ZNF280D: variants seen among roughly 807,000 people sequenced by gnomAD.
ZNF280D encodes suppressor of hairy wing homolog 4.
In ZNF280D, 39 loss-of-function variants were observed where a neutral mutation model predicts 94.7. The observed-to-expected ratio is 0.41, with a 90% CI of 0.32 to 0.54. ZNF280D has a LOEUF of 0.54. Among genes scored for constraint, ZNF280D ranks in the 20% least tolerant of loss-of-function variants. ZNF280D has a pLI of 0.22. For synonymous variants in ZNF280D, 398 were observed against 377.6 expected, an observed-to-expected ratio of 1.05 and a Z score of -0.63; for missense variants, 1,090 against 1,149.3, an observed-to-expected ratio of 0.95 and a Z score of 0.75.
intron 16 of ZNF280D, among the ~76,000 whole-genome samples, chr15:56,663,047 G>T (rs1596395349): frequency 6.6e-6 from 1 of 151,416 alleles, no homozygotes; most frequent in Non-Finnish European, 1.5e-5. Context: ...ACTTTAAGAG[G>T]CTAGAGTAGG....
intron 11 of ZNF280D, among the ~76,000 whole-genome samples, 168 bp from the exon 12 acceptor site, chr15:56,677,842 A>T (rs1193817379): frequency 6.6e-6 from 1 of 152,104 alleles, no homozygotes; most frequent in Non-Finnish European, 1.5e-5. Context: ...ACATTACCTC[A>T]CCTACATTAA....
At chr15:56,672,751 G>A (rs530333266) in intron 13 of ZNF280D, among the ~76,000 whole-genome samples, 36 of 152,072 alleles carry the variant, frequency 2.4e-4, no homozygotes, top group African/African-American at 8.2e-4. Context: ...CACAGTTACT[G>A]GCATACAGCA....
At chr15:56,674,930 G>C (rs1256596961) in intron 13 of ZNF280D, among the ~76,000 whole-genome samples, 1 of 151,966 alleles carries the variant, frequency 6.6e-6, no homozygotes, top group African/African-American at 2.4e-5. Context: ...CAACTATTCT[G>C]ATTGTCTAAT....
At chr15:56,707,336 T>C (rs1171292282) in intron 1 of ZNF280D, 30 bp from the exon 2 acceptor site, 2 of 1,508,542 alleles carry the variant, frequency 1.3e-6, no homozygotes, top group East Asian at 2.6e-5. Flanking sequence ...ACTATTAGGG[T>C]GGACTTCATT....
chr15:56,669,479 G>T (rs1407686776), intron 13 of ZNF280D, among the ~76,000 whole-genome samples: 1 of 151,768 alleles, frequency 6.6e-6, no homozygotes, highest in Non-Finnish European at 1.5e-5. Context: ...ATATTTGAGA[G>T]CTGTATTGTC....
At chr15:56,682,154 C>A in intron 10 of ZNF280D, 100 bp downstream of exon 10, 1 of 828,496 alleles carries the variant, frequency 1.2e-6, no homozygotes, top group South Asian at 1.8e-5. Context: ...GTGTTAAAAT[C>A]ACTTACCTAG....
intron 19 of ZNF280D, among the ~76,000 whole-genome samples, chr15:56,647,595 G>A (rs1191579403): frequency 6.6e-6 from 1 of 152,122 alleles, no homozygotes. Context: ...GCAGTGGTAT[G>A]ATCACGGCTC....
intron 1 of ZNF280D, among the ~76,000 whole-genome samples, chr15:56,721,935 C>T (rs576987309): frequency 6.6e-6 from 1 of 152,306 alleles, no homozygotes; most frequent in East Asian, 1.9e-4. Flanking sequence ...TTTCAACACG[C>T]CTTCCTCACT....
chr15:56,653,006 C>T, intron 19 of ZNF280D: 20 of 936,922 alleles, frequency 2.1e-5, no homozygotes, highest in Non-Finnish European at 2.4e-5. Flanking sequence ...TAAAACCAAG[C>T]TATTAAATTA....
At chr15:56,694,575 A>G (rs1230454238) in intron 6 of ZNF280D, among the ~76,000 whole-genome samples, 1 of 152,162 alleles carries the variant, frequency 6.6e-6, no homozygotes, top group African/African-American at 2.4e-5. Context: ...CTTTTTTCCA[A>G]ATTACCAGCC....
At chr15:56,635,878 T>C (rs766318341) in intron 20 of ZNF280D, 14 of 152,312 alleles carry the variant, frequency 9.2e-5, no homozygotes, top group Admixed American at 9.2e-4. Context: ...AAGCAGTATA[T>C]TAAGAACTTT....
At chr15:56,682,502 A>AC in intron 9 of ZNF280D, 25 bp from the exon 10 acceptor site, 2 of 1,428,300 alleles carry the variant, frequency 1.4e-6, no homozygotes, top group Non-Finnish European at 1.9e-6. Context: ...AAAAAAAAAA[A>AC]AACAAGCCTT....
intron 1 of ZNF280D, among the ~76,000 whole-genome samples, chr15:56,712,771 T>C (rs1379618545): frequency 6.7e-6 from 1 of 149,778 alleles, no homozygotes; most frequent in Non-Finnish European, 1.5e-5. Flanking sequence ...GGTGGAGTCT[T>C]GCTCTGTTGC....
chr15:56,709,651 C>CAT (rs1246199081), intron 1 of ZNF280D, among the ~76,000 whole-genome samples: 2 of 152,120 alleles, frequency 1.3e-5, no homozygotes, highest in Admixed American at 6.5e-5. Context: ...AAATGTGGCA[C>CAT]ATATACACCA....
rs35057161 is a variant in ZNF280D at position 56,659,175 on chromosome 15, TA to T, written c.1995-690del. On this transcript the variant is annotated intron_variant, in intron 16 of 21. Transcript: ENST00000267807. ...GGCTTTCTAGTAGAGTGTTTTTTAT[TA>T]AAAAAAAAAAAAAAAAAAAAAAGGA... 8.9e-3 allele frequency among the ~76,000 whole-genome samples: 829 copies of T among 93,210 alleles called. 8 individuals carry two copies. The highest frequency in any genetic ancestry group is 0.029 in the African/African-American group (702 of 24,244). 61.1% of individuals were successfully genotyped at this position (93,210 alleles called of 152,430 possible).
At chr15:56,697,369 G>A (rs971083311) in intron 6 of ZNF280D, among the ~76,000 whole-genome samples, 9 of 152,080 alleles carry the variant, frequency 5.9e-5, no homozygotes, top group Admixed American at 5.2e-4. Flanking sequence ...ATTTTTAGTA[G>A]AGACAGGGTT....
chr15:56,710,230 C>A (rs1009858357), intron 1 of ZNF280D, among the ~76,000 whole-genome samples: 1 of 152,104 alleles, frequency 6.6e-6, no homozygotes, highest in African/African-American at 2.4e-5. Flanking sequence ...CAGAGTCAAA[C>A]TGTCTCTACT....
intron 20 of ZNF280D, among the ~76,000 whole-genome samples, chr15:56,637,659 A>T (rs7177003): frequency 6.6e-6 from 1 of 152,164 alleles, no homozygotes; most frequent in Non-Finnish European, 1.5e-5. Context: ...TGACATATGG[A>T]CACCTGGAGA....
chr15:56,710,276 C>G (rs1368703569), intron 1 of ZNF280D, among the ~76,000 whole-genome samples: 2 of 152,128 alleles, frequency 1.3e-5, no homozygotes, highest in East Asian at 3.9e-4. Flanking sequence ...TGGTGGCACA[C>G]GCCTGTAGTC....
Sources: allele counts gnomAD v4.1 joint callset (sites outside exome capture counted in the v4.1 genomes callset), GRCh38; gene constraint gnomAD v4.1.1; transcripts MANE v1.5; gene names NCBI Gene and HGNC (gene_info 2026-07-23, HGNC 2026-07-21).